SLIT2: variants seen among roughly 807,000 people sequenced by gnomAD.
SLIT2 encodes slit guidance ligand 2, also known as slit homolog 2 protein.
SLIT2 carries 41 observed loss-of-function variants against 185.7 expected under a neutral mutation model. The ratio of observed to expected loss-of-function variants is 0.22; its 90% CI spans 0.17 to 0.29. The LOEUF is 0.29. Among genes scored for constraint, SLIT2 ranks in the 10% least tolerant of loss-of-function variants. The probability of loss-of-function intolerance (pLI) is 1.00; values close to 1 mark genes in which losing one functional copy is unlikely to be tolerated. For synonymous variants in SLIT2, 693 were observed against 680.2 expected, an observed-to-expected ratio of 1.02 and a Z score of -0.29; for missense variants, 1,571 against 1,909.0, an observed-to-expected ratio of 0.82 and a Z score of 3.30.
rs1560448180 is a variant in SLIT2 at position 20,467,567 on chromosome 4, T to C, written c.396-185T>C. Among the ~76,000 whole-genome samples, 3 of 150,738 alleles carry C rather than the reference T, an allele frequency of 2.0e-5. No homozygotes were observed. The East Asian group carries it at 5.8e-4, about 29-fold the overall frequency. ...TCAAGAAGCCATTATTCCAACTTTT[T>C]AATTTATATTAGAAATATAAAATAT... is the stretch of plus-strand genomic sequence containing the variant. On this transcript the variant is annotated intron_variant, in intron 4 of 36. Transcript: ENST00000504154.
At position 20,556,163 on chromosome 4, in the gene SLIT2, C is replaced by T. The variant is rs1470464850; in HGVS notation, c.2725+2195C>T. 2.0e-5 allele frequency among the ~76,000 whole-genome samples: 3 copies of T among 151,948 alleles called. 1 individual carries two copies. Among genetic ancestry groups the T allele is most frequent in the African/African-American group, 7.3e-5 (3 of 41,364 alleles). ...AATTTTTGCAATAATCTTTCCTTTA[C>T]GATCCTAGATCTTTATTGGGACAGT... On this transcript the variant is annotated intron_variant, in intron 26 of 36. Coordinates refer to ENST00000504154, the MANE Select transcript of SLIT2 (RefSeq NM_004787.4).
At chr4:20,482,462 A>C (rs1044340746) in intron 6 of SLIT2, among the ~76,000 whole-genome samples, 6 of 152,014 alleles carry the variant, frequency 3.9e-5, no homozygotes, top group Non-Finnish European at 7.4e-5. Context: ...CAATAACTAC[A>C]TTTGATTATT....
At position 20,524,167 on chromosome 4, in the gene SLIT2, C is replaced by T. The variant is rs1259498401; in HGVS notation, c.1428C>T (p.Phe476=). The change falls in exon 14 of 37, where the codon TTC becomes TTT. Residue 476 remains phenylalanine, a synonymous_variant. Transcript: ENST00000504154. The stretch of plus-strand genomic sequence containing the variant: ...TTGGACAGATCAAAAGCAAGAAATT[C>T]CGTTGTTCAGGTAATTTCTTCACGT... The part of the protein sequence containing the change: ...KRIGQIKSKK[F]RCSAKEQYFI... The T allele has an allele frequency of 3.1e-6, 5 of 1,613,952 alleles. No individual in the cohort carries two copies. In the East Asian group the frequency reaches 8.9e-5, roughly 29 times the overall value.
intron 19 of SLIT2, among the ~76,000 whole-genome samples, chr4:20,540,852 A>G (rs1346121850): frequency 3.3e-5 from 5 of 152,196 alleles, no homozygotes; most frequent in Admixed American, 2.0e-4. Flanking sequence ...GAGATTGTCA[A>G]TAGGTTTATG....
intron 4 of SLIT2, among the ~76,000 whole-genome samples, chr4:20,336,970 G>A (rs1431160700): frequency 2.0e-5 from 3 of 152,166 alleles, no homozygotes; most frequent in Non-Finnish European, 4.4e-5. Flanking sequence ...TGAGAATACA[G>A]CTAAGAATTT....
In SLIT2 at chr4:20,595,712, A is replaced by G. The variant is rs760238282; in HGVS notation, c.3198A>G (p.Pro1066=). Residue 1066 remains proline, a synonymous_variant, in exon 31 of 37, where the codon CCA becomes CCG. Transcript: ENST00000504154. Reference sequence around the variant, plus strand: ...GTTCCAACAGATGTGACTGCACACCAGGGTACGTAGGTGAACACTGCGACA... The same window carrying G: ...GTTCCAACAGATGTGACTGCACACCGGGGTACGTAGGTGAACACTGCGACA... The part of the protein sequence containing the change: ...TPKGFKCDCT[P]GYVGEHCDID... The G allele has an allele frequency of 5.6e-6, 9 of 1,614,086 alleles. 1 individual carries two copies. In the South Asian group the frequency reaches 8.8e-5, roughly 16 times the overall value.
At chr4:20,278,708 G>A (rs1303636921) in intron 4 of SLIT2, among the ~76,000 whole-genome samples, 2 of 150,404 alleles carry the variant, frequency 1.3e-5, no homozygotes, top group Non-Finnish European at 3.0e-5. Context: ...AAAGAGAGGA[G>A]TAACAAAACC....
chr4:20,283,243 G>A (rs1022440358), intron 4 of SLIT2, among the ~76,000 whole-genome samples: 1 of 152,150 alleles, frequency 6.6e-6, no homozygotes, highest in Non-Finnish European at 1.5e-5. Context: ...AGTCCTTTGT[G>A]GAACACCTGC....
intron 26 of SLIT2, among the ~76,000 whole-genome samples, chr4:20,558,660 ACTCAGT>A (rs1724457310): frequency 6.6e-6 from 1 of 151,954 alleles, no homozygotes; most frequent in Non-Finnish European, 1.5e-5. Flanking sequence ...TCTTTGTGTA[ACTCAGT>A]ATTTATCTGA....
chr4:20,398,784 C>T (rs1726127801), intron 4 of SLIT2, among the ~76,000 whole-genome samples: 1 of 151,632 alleles, frequency 6.6e-6, no homozygotes, highest in African/African-American at 2.4e-5. Context: ...TTATAATTTC[C>T]ATTAATTCTG....
chr4:20,472,248 A>ATATATATCTATATATATAGATATATATC (rs1450139711), intron 5 of SLIT2, among the ~76,000 whole-genome samples: 1 of 38,704 alleles, frequency 2.6e-5, no homozygotes, highest in African/African-American at 1.1e-4. Flanking sequence ...CTATATATCT[A>ATATATATCTATATATATAGATATATATC]TATATAGATC....
At chr4:20,312,868 A>G (rs1225557304) in intron 4 of SLIT2, among the ~76,000 whole-genome samples, 1 of 152,064 alleles carries the variant, frequency 6.6e-6, no homozygotes, top group Non-Finnish European at 1.5e-5. Context: ...GCAAATATAA[A>G]ATAGATTTTC....
chr4:20,452,287 T>C (rs369510574), intron 4 of SLIT2, among the ~76,000 whole-genome samples: 90 of 152,210 alleles, frequency 5.9e-4, no homozygotes, highest in Non-Finnish European at 1.0e-3. Flanking sequence ...TGTTAAATGC[T>C]TGGGGCAAAT....
chr4:20,502,177 T>TA (rs1718802472), intron 9 of SLIT2, among the ~76,000 whole-genome samples: 1 of 152,198 alleles, frequency 6.6e-6, no homozygotes, highest in African/African-American at 2.4e-5. Context: ...TTTGTAATAT[T>TA]AGTTGAGAAG....
rs1722145675 is a variant in SLIT2, at chr4:20,252,813, C to T, written c.-1003C>T. On this transcript the variant is annotated 5_prime_UTR_variant, in exon 1 of 37. Transcript: ENST00000504154. ...GTACGCCCCAGCAGGACGCTGACACCTCCAACCTTGGCCTTTGCCTTTCCA... is the reference window on the plus strand; with the variant it reads ...GTACGCCCCAGCAGGACGCTGACACTTCCAACCTTGGCCTTTGCCTTTCCA... Among the ~76,000 whole-genome samples the T allele has an allele frequency of 6.6e-5, 10 of 152,172 alleles. No individual in the cohort carries two copies. The highest frequency in any genetic ancestry group is 5.9e-4 in the Admixed American group (9 of 15,284).
rs185181808 is a variant in SLIT2, at chr4:20,511,333, A to G, written c.1058+196A>G. 1.1e-3 allele frequency among the ~76,000 whole-genome samples: 163 copies of G among 151,522 alleles called. 3 individuals are homozygous for G. Among genetic ancestry groups the G allele is most frequent in the Admixed American group, 0.011 (160 of 15,226 alleles). On this transcript the variant is annotated intron_variant, in intron 11 of 36. Transcript: ENST00000504154. The stretch of plus-strand genomic sequence containing the variant: ...TGCTACCCATCACTAAAATTAGCCA[A>G]TTTTTAGGGGTGTATATTTTATAGT...
At chr4:20,467,290 C>G in intron 4 of SLIT2, among the ~76,000 whole-genome samples, 1 of 152,000 alleles carries the variant, frequency 6.6e-6, no homozygotes, top group Non-Finnish European at 1.5e-5. Flanking sequence ...ATCATACTGT[C>G]CAGGTTTTAT....
At chr4:20,566,707 T>C (rs1435050264) in intron 26 of SLIT2, among the ~76,000 whole-genome samples, 2 of 152,058 alleles carry the variant, frequency 1.3e-5, no homozygotes, top group African/African-American at 2.4e-5. Context: ...GGTTACACTT[T>C]TGGTTTATTT....
intron 4 of SLIT2, among the ~76,000 whole-genome samples, chr4:20,329,596 T>C (rs1018090519): frequency 1.3e-5 from 2 of 152,024 alleles, no homozygotes; most frequent in African/African-American, 4.8e-5. Context: ...ATCATAGGAC[T>C]AGAGTCTATT....
Sources: allele counts gnomAD v4.1 joint callset (sites outside exome capture counted in the v4.1 genomes callset), GRCh38; gene constraint gnomAD v4.1.1; transcripts MANE v1.5; gene names NCBI Gene and HGNC (gene_info 2026-07-23, HGNC 2026-07-21).